ITPR2: variants seen among roughly 807,000 people sequenced by gnomAD.
ITPR2 encodes inositol 1,4,5-trisphosphate-gated calcium channel ITPR2.
In ITPR2, 207 loss-of-function variants were observed where a neutral mutation model predicts 317.1. That is an observed-to-expected ratio of 0.65 (90% CI 0.58 to 0.73). ITPR2 has a LOEUF of 0.73. Ranked by LOEUF, ITPR2 falls within the 30% of genes least tolerant of loss-of-function variation. The pLI is 0.00. For missense variants in ITPR2, 2,613 were observed against 3,284.0 expected (o/e 0.80, Z 4.99); for synonymous variants, 1,156 against 1,149.1 (o/e 1.01, Z -0.12).
At chr12:26,464,774 T>C (rs529331675) in intron 45 of ITPR2, among the ~76,000 whole-genome samples, 58 of 152,262 alleles carry the variant, frequency 3.8e-4, no homozygotes, top group African/African-American at 1.3e-3. Context: ...TGTTCTATGA[T>C]CACAGCAGGC....
At chr12:26,507,855 C>CTGTGTGTGTG (rs766901558) in intron 37 of ITPR2, among the ~76,000 whole-genome samples, 11 of 142,294 alleles carry the variant, frequency 7.7e-5, no homozygotes, top group Non-Finnish European at 1.5e-4. Flanking sequence ...ACTCTTCTCT[C>CTGTGTGTGTG]TCTGTCTCTG....
chr12:26,560,878 A>G (rs1944799241), intron 35 of ITPR2, among the ~76,000 whole-genome samples: 2 of 152,162 alleles, frequency 1.3e-5, no homozygotes, highest in Admixed American at 1.3e-4. Context: ...TAGAAAAAAA[A>G]CTTCTTCAAA....
intron 37 of ITPR2, among the ~76,000 whole-genome samples, chr12:26,511,402 A>C (rs1293563230): frequency 6.6e-6 from 1 of 152,194 alleles, no homozygotes; most frequent in East Asian, 1.9e-4. Flanking sequence ...AGTAAATTTA[A>C]AACAGAAATT....
At chr12:26,595,214 G>C (rs1024299409) in intron 32 of ITPR2, among the ~76,000 whole-genome samples, 1 of 152,016 alleles carries the variant, frequency 6.6e-6, no homozygotes. Context: ...TTTAATAACA[G>C]ACAAACACAG....
intron 2 of ITPR2, among the ~76,000 whole-genome samples, chr12:26,782,011 T>G (rs1315217617): frequency 8.6e-4 from 42 of 48,890 alleles, no homozygotes; most frequent in African/African-American, 2.2e-3. Flanking sequence ...TATATATATA[T>G]ATATATATAT....
At chr12:26,644,294 G>A (rs1440726265) in intron 21 of ITPR2, among the ~76,000 whole-genome samples, 1 of 152,128 alleles carries the variant, frequency 6.6e-6, no homozygotes, top group Non-Finnish European at 1.5e-5. Context: ...GCAAAGCTGT[G>A]GGGGAGTTGA....
intron 9 of ITPR2, among the ~76,000 whole-genome samples, chr12:26,696,785 G>A (rs1308515123): frequency 6.6e-6 from 1 of 152,192 alleles, no homozygotes; most frequent in Non-Finnish European, 1.5e-5. Context: ...TTTGAACGCT[G>A]ACGTAGAAAC....
At chr12:26,656,620 G>A in intron 18 of ITPR2, 72 bp from the exon 19 acceptor site, 1 of 1,493,764 alleles carries the variant, frequency 6.7e-7, no homozygotes, top group Non-Finnish European at 9.2e-7. Flanking sequence ...GTACCAATCA[G>A]TATCTATGTT....
chr12:26,741,988 G>T (rs1191610003), intron 2 of ITPR2, among the ~76,000 whole-genome samples: 1 of 152,136 alleles, frequency 6.6e-6, no homozygotes, highest in Non-Finnish European at 1.5e-5. Flanking sequence ...CCTAAATGTG[G>T]GCCCAGGCAG....
intron 32 of ITPR2, among the ~76,000 whole-genome samples, chr12:26,584,242 T>C (rs192512791): frequency 2.0e-5 from 3 of 152,300 alleles, no homozygotes; most frequent in Non-Finnish European, 2.9e-5. Context: ...GTGGTATCTC[T>C]GTATAAGGCA....
chr12:26,436,961 A>G (rs2136722219), intron 47 of ITPR2, among the ~76,000 whole-genome samples: 1 of 152,362 alleles, frequency 6.6e-6, no homozygotes, highest in South Asian at 2.1e-4. Context: ...GAAGAAAATG[A>G]GCACTATAAT....
intron 45 of ITPR2, among the ~76,000 whole-genome samples, chr12:26,462,990 G>T (rs576845678): frequency 1.3e-5 from 2 of 152,004 alleles, no homozygotes; most frequent in Non-Finnish European, 2.9e-5. Flanking sequence ...AGCTTTCTTC[G>T]TTTATGTCTG....
chr12:26,387,487 T>C lies in ITPR2; in HGVS notation c.7804A>G (p.Lys2602Glu). The change falls in exon 55 of 57, where the codon AAA becomes GAA. Residue 2602 changes from lysine to glutamate, a missense_variant. Coordinates refer to ENST00000381340, the MANE Select transcript of ITPR2 (RefSeq NM_002223.4). Reference protein sequence around the residue: ...YLYFIVLVKVKDPTEYTGPES... With the variant: ...YLYFIVLVKVEDPTEYTGPES... The stretch of plus-strand genomic sequence containing the variant: ...GGTCCAGTGTATTCTGTTGGGTCTT[T>C]AACTTTCACCAGGACTATGAAGTAC... 1 of 1,613,904 alleles carries C rather than the reference T, an allele frequency of 6.2e-7. No individual in the cohort carries two copies. The highest frequency in any genetic ancestry group is 1.1e-5 in the South Asian group (1 of 91,076).
intron 26 of ITPR2, among the ~76,000 whole-genome samples, chr12:26,610,101 C>T (rs1946228096): frequency 6.6e-6 from 1 of 152,206 alleles, no homozygotes; most frequent in Non-Finnish European, 1.5e-5. Context: ...AAAAGCTCTG[C>T]ATGAAATTAC....
At chr12:26,586,627 T>C (rs1319207744) in intron 32 of ITPR2, among the ~76,000 whole-genome samples, 1 of 152,220 alleles carries the variant, frequency 6.6e-6, no homozygotes, top group Non-Finnish European at 1.5e-5. Context: ...ATTGCTATTA[T>C]GTGAGTTCAT....
At chr12:26,367,168 A>G (rs1212869817) in intron 55 of ITPR2, among the ~76,000 whole-genome samples, 1 of 152,236 alleles carries the variant, frequency 6.6e-6, no homozygotes, top group Admixed American at 6.5e-5. Flanking sequence ...AATTGTATAA[A>G]GTACTGTGCC....
At chr12:26,473,112 C>G (rs1434723846) in intron 45 of ITPR2, among the ~76,000 whole-genome samples, 3 of 152,272 alleles carry the variant, frequency 2.0e-5, no homozygotes, top group Middle Eastern at 3.4e-3. Context: ...CTCTTGAACT[C>G]CTGACTTCAA....
rs145059491 is a variant in ITPR2, at chr12:26,544,235, G to A, written c.5073+6012C>T. Reference sequence around the variant, plus strand: ...AGAATCTTTAAGATGTTGCCCACCCGTATCTTATTTCTCAGTGTCTTAGGC... The same window carrying A: ...AGAATCTTTAAGATGTTGCCCACCCATATCTTATTTCTCAGTGTCTTAGGC... On this transcript the variant is annotated intron_variant, in intron 37 of 56. Transcript: ENST00000381340. Among the ~76,000 whole-genome samples the A allele has an allele frequency of 1.0e-3, 154 of 151,956 alleles. 1 individual carries two copies. Among genetic ancestry groups the A allele is most frequent in the African/African-American group, 3.4e-3 (142 of 41,456 alleles).
At chr12:26,534,239 T>C (rs117034226) in intron 37 of ITPR2, among the ~76,000 whole-genome samples, 1 of 152,248 alleles carries the variant, frequency 6.6e-6, no homozygotes, top group Non-Finnish European at 1.5e-5. Context: ...ATATTCAGCA[T>C]GCTTTTCCCA....
Sources: gnomAD v4.1 joint callset for allele counts (sites outside exome capture counted in the v4.1 genomes callset) on GRCh38, gnomAD v4.1.1 for gene constraint, MANE v1.5 for transcripts, NCBI Gene and HGNC (gene_info 2026-07-23, HGNC 2026-07-21) for gene names.